SH3RF3: variants seen among roughly 807,000 people sequenced by gnomAD.
SH3RF3 encodes the protein E3 ubiquitin-protein ligase SH3RF3.
In SH3RF3, 29 loss-of-function variants were observed where a neutral mutation model predicts 66.3. That is an observed-to-expected ratio of 0.44 (90% CI 0.33 to 0.60). The LOEUF is 0.60. SH3RF3 is among the 20% of genes least tolerant of loss of function. SH3RF3 has a pLI of 0.04. For missense variants in SH3RF3, 1,194 were observed against 1,190.9 expected (o/e 1.00, Z -0.04); for synonymous variants, 583 against 532.0 (o/e 1.10, Z -1.32).
chr2:109,395,063 C>T (rs987743179), intron 3 of SH3RF3, among the ~76,000 whole-genome samples: 7 of 152,344 alleles, frequency 4.6e-5, no homozygotes, highest in African/African-American at 1.7e-4. Flanking sequence ...CTAATTGGAG[C>T]TTGTTGTGAA....
intron 2 of SH3RF3, among the ~76,000 whole-genome samples, chr2:109,356,886 C>G (rs917626318): frequency 1.3e-5 from 2 of 152,114 alleles, no homozygotes; most frequent in Non-Finnish European, 2.9e-5. Context: ...GCTCTCACTT[C>G]CCAGGCTGAG....
chr2:109,153,277 G>A (rs968099345), intron 1 of SH3RF3, among the ~76,000 whole-genome samples: 5 of 152,178 alleles, frequency 3.3e-5, no homozygotes, highest in Non-Finnish European at 5.9e-5. Context: ...GAATGTAGGT[G>A]TTTAAGCTGT....
At chr2:109,282,080 C>T (rs926397981) in intron 1 of SH3RF3, among the ~76,000 whole-genome samples, 3 of 152,062 alleles carry the variant, frequency 2.0e-5, no homozygotes, top group Admixed American at 6.5e-5. Flanking sequence ...GGCTGCATGG[C>T]GAAGCCTGTC....
intron 1 of SH3RF3, among the ~76,000 whole-genome samples, chr2:109,199,367 A>G (rs1200626693): frequency 5.8e-5 from 3 of 51,572 alleles, no homozygotes; most frequent in Admixed American, 3.2e-4. Context: ...ATGGAATGGA[A>G]TGGAATGGAA....
chr2:109,223,186 T>A (rs1270828979), intron 1 of SH3RF3, among the ~76,000 whole-genome samples: 2 of 152,188 alleles, frequency 1.3e-5, no homozygotes, highest in African/African-American at 4.8e-5. Context: ...CTGCCACAGA[T>A]CATGAATGCT....
At chr2:109,181,619 A>G (rs565117923) in intron 1 of SH3RF3, among the ~76,000 whole-genome samples, 70 of 152,304 alleles carry the variant, frequency 4.6e-4, no homozygotes, top group South Asian at 3.5e-3. Context: ...CCCCTCCAGC[A>G]TAAGGACCTG....
chr2:109,185,263 G>A (rs1342443918), intron 1 of SH3RF3, among the ~76,000 whole-genome samples: 2 of 152,198 alleles, frequency 1.3e-5, no homozygotes, highest in Admixed American at 1.3e-4. Context: ...ATCAGGTAAG[G>A]CATCTTTCCT....
At chr2:109,485,173 G>A (rs991103628) in intron 8 of SH3RF3, among the ~76,000 whole-genome samples, 2 of 152,218 alleles carry the variant, frequency 1.3e-5, no homozygotes, top group African/African-American at 2.4e-5. Context: ...CCCAACCAAT[G>A]CAAACTGATC....
At chr2:109,426,712 G>T (rs578087215) in intron 5 of SH3RF3, among the ~76,000 whole-genome samples, 43 of 152,314 alleles carry the variant, frequency 2.8e-4, no homozygotes, top group African/African-American at 9.9e-4. Context: ...AATTTTGAAA[G>T]AAATTCTACT....
intron 1 of SH3RF3, among the ~76,000 whole-genome samples, chr2:109,255,713 C>T (rs1680207217): frequency 6.6e-6 from 1 of 152,220 alleles, no homozygotes; most frequent in African/African-American, 2.4e-5. Context: ...GGTGATAATT[C>T]ATGGTCATTT....
At chr2:109,309,937 CAG>C (rs1395336981) in intron 1 of SH3RF3, among the ~76,000 whole-genome samples, 1 of 123,882 alleles carries the variant, frequency 8.1e-6, no homozygotes, top group African/African-American at 4.1e-5. Context: ...ATCAACGAGA[CAG>C]AAAGTCAACA....
At chr2:109,280,549 T>C (rs4504023) in intron 1 of SH3RF3, among the ~76,000 whole-genome samples, 105,567 of 152,108 alleles carry the variant, frequency 0.69, 36,861 homozygotes, top group East Asian at 0.9. Context: ...TAGCAGTCAT[T>C]GAAATATGGG....
chr2:109,367,081 C>T (rs1449251826), intron 2 of SH3RF3, among the ~76,000 whole-genome samples: 2 of 149,856 alleles, frequency 1.3e-5, no homozygotes, highest in African/African-American at 4.9e-5. Context: ...CCCTCCAGAG[C>T]AGCTAGGATT....
At chr2:109,478,529 G>A in intron 8 of SH3RF3, among the ~76,000 whole-genome samples, 1 of 152,266 alleles carries the variant, frequency 6.6e-6, no homozygotes, top group South Asian at 2.1e-4. Context: ...TCAGTCCTTG[G>A]CATTTTTCCT....
chr2:109,201,609 G>A (rs1678677948), intron 1 of SH3RF3, among the ~76,000 whole-genome samples: 3 of 152,144 alleles, frequency 2.0e-5, no homozygotes, highest in Admixed American at 2.0e-4. Flanking sequence ...GGACCATGCC[G>A]GGCCTCTCAC....
chr2:109,269,395 C>A (rs1323928878), intron 1 of SH3RF3, among the ~76,000 whole-genome samples: 2 of 152,234 alleles, frequency 1.3e-5, no homozygotes, highest in African/African-American at 4.8e-5. Flanking sequence ...ACTGGTGCTT[C>A]TCCATGGCTC....
chr2:109,209,219 A>G (rs922579339), intron 1 of SH3RF3, among the ~76,000 whole-genome samples: 10 of 152,164 alleles, frequency 6.6e-5, no homozygotes, highest in Non-Finnish European at 1.2e-4. Flanking sequence ...CCGTGGCATC[A>G]ACACCTGTTT....
chr2:109,397,822 T>C (rs1199125822), intron 3 of SH3RF3, among the ~76,000 whole-genome samples: 2 of 152,228 alleles, frequency 1.3e-5, no homozygotes, highest in African/African-American at 2.4e-5. Flanking sequence ...GCTCATGGAC[T>C]TGAACCTTCA....
In SH3RF3 at chr2:109,226,094, A is replaced by G. The variant is rs149241382; in HGVS notation, c.573+95981A>G. On this transcript the variant is annotated intron_variant, in intron 1 of 9. Transcript: ENST00000309415. Reference sequence around the variant, plus strand: ...GCTGTAATATTGTCATTTTTGACTCAGGCTAAATCACTTGTTAATTTTAGG... The same window carrying G: ...GCTGTAATATTGTCATTTTTGACTCGGGCTAAATCACTTGTTAATTTTAGG... Among the ~76,000 whole-genome samples the G allele has an allele frequency of 6.6e-3, 1,005 of 152,336 alleles. 2 individuals are homozygous for G. Among genetic ancestry groups the G allele is most frequent in the Middle Eastern group, 0.014 (4 of 294 alleles).
Sources: allele counts gnomAD v4.1 joint callset (sites outside exome capture counted in the v4.1 genomes callset), GRCh38; gene constraint gnomAD v4.1.1; transcripts MANE v1.5; gene names NCBI Gene and HGNC (gene_info 2026-07-23, HGNC 2026-07-21).